The following MMP16 variants were observed in gnomAD, a reference collection of about 807,000 sequenced individuals.
MMP16 encodes matrix metalloproteinase-16.
A neutral mutation model predicts 67.8 loss-of-function variants in MMP16; 12 were observed. The observed-to-expected ratio is 0.18, with a 90% CI of 0.11 to 0.29. The LOEUF is 0.29. Among genes scored for constraint, MMP16 ranks in the 10% least tolerant of loss-of-function variants. The pLI, the probability that MMP16 is intolerant of heterozygous loss-of-function variation, is 1.00. For missense variants in MMP16, 475 were observed against 765.7 expected (o/e 0.62, Z 4.48); for synonymous variants, 249 against 255.9 (o/e 0.97, Z 0.26).
At chr8:88,246,600 T>C (rs1339954365) in intron 1 of MMP16, among the ~76,000 whole-genome samples, 1 of 152,164 alleles carries the variant, frequency 6.6e-6, no homozygotes, top group Non-Finnish European at 1.5e-5. Context: ...AGTAGATAAC[T>C]GAATGCTTAC....
At chr8:88,098,773 T>A (rs187208494) in intron 6 of MMP16, among the ~76,000 whole-genome samples, 1 of 152,000 alleles carries the variant, frequency 6.6e-6, no homozygotes, top group Admixed American at 6.6e-5. Context: ...AGTATAATAT[T>A]ATGAAAATTA....
At chr8:88,212,501 T>A (rs1210124591) in intron 1 of MMP16, among the ~76,000 whole-genome samples, 1 of 152,104 alleles carries the variant, frequency 6.6e-6, no homozygotes, top group East Asian at 1.9e-4. Flanking sequence ...CCAAAATATC[T>A]AAAGAACATA....
chr8:88,039,679 C>G lies in MMP16; in HGVS notation c.*1782G>C, dbSNP rs1808105469. The G allele has an allele frequency of 6.6e-6, 1 of 152,610 alleles. No homozygotes were observed. 9.5% of individuals were successfully genotyped at this position (152,610 alleles called of 1,614,324 possible). On this transcript the variant is annotated 3_prime_UTR_variant, in exon 10 of 10. Transcript: ENST00000286614. The surrounding 1 kb of genome is among the most constrained non-coding windows in gnomAD (Gnocchi z 4.5). ...CTCAAAGCTGGCTTTCACACAAAGC[C>G]AATGTCTGACTCATGGGGTGCATTC... is the stretch of plus-strand genomic sequence containing the variant.
chr8:88,302,047 T>C (rs1047833441), intron 1 of MMP16, among the ~76,000 whole-genome samples: 1 of 152,220 alleles, frequency 6.6e-6, no homozygotes, highest in African/African-American at 2.4e-5. Context: ...CTCAGAAACC[T>C]TCACAAGAAC....
chr8:88,283,153 A>C (rs981021525), intron 1 of MMP16, among the ~76,000 whole-genome samples: 58 of 152,176 alleles, frequency 3.8e-4, no homozygotes, highest in Non-Finnish European at 6.5e-4. Context: ...AACAGTATAA[A>C]TTCTCCTGTT....
At chr8:88,066,881 T>C (rs1026083615) in intron 7 of MMP16, among the ~76,000 whole-genome samples, 1 of 151,876 alleles carries the variant, frequency 6.6e-6, no homozygotes, top group Non-Finnish European at 1.5e-5. Context: ...AAAAATAAGA[T>C]GAGAAATTAC....
chr8:88,300,282 A>G (rs575799415), intron 1 of MMP16, among the ~76,000 whole-genome samples: 11 of 152,352 alleles, frequency 7.2e-5, no homozygotes, highest in African/African-American at 2.6e-4. Flanking sequence ...AGTACACAGA[A>G]GCCCTCCTTA....
At chr8:88,101,845 C>T (rs893296956) in intron 6 of MMP16, among the ~76,000 whole-genome samples, 1 of 151,826 alleles carries the variant, frequency 6.6e-6, no homozygotes, top group Non-Finnish European at 1.5e-5. Context: ...TATTTCTCAT[C>T]CAGTTCCAGA....
At chr8:88,092,234 T>G (rs532946099) in intron 6 of MMP16, among the ~76,000 whole-genome samples, 4 of 152,018 alleles carry the variant, frequency 2.6e-5, no homozygotes, top group African/African-American at 9.6e-5. Context: ...TGGCTATAAC[T>G]TCCAGAATTT....
chr8:88,281,642 C>A (rs535989065), intron 1 of MMP16, among the ~76,000 whole-genome samples: 2 of 152,134 alleles, frequency 1.3e-5, no homozygotes, highest in Admixed American at 6.5e-5. Context: ...ATTTACCAGG[C>A]CCCCAAAGCT....
chr8:88,146,832 ATTTTATTAGGTT>A (rs1477358275), intron 4 of MMP16, among the ~76,000 whole-genome samples: 1 of 151,916 alleles, frequency 6.6e-6, no homozygotes, highest in Non-Finnish European at 1.5e-5. Context: ...TAAATGTTCA[ATTTTATTAGGTT>A]TTTGCCAAAC....
At chr8:88,302,494 CT>C (rs750254625) in intron 1 of MMP16, among the ~76,000 whole-genome samples, 1 of 152,182 alleles carries the variant, frequency 6.6e-6, no homozygotes, top group Non-Finnish European at 1.5e-5. Context: ...TGACATTTCA[CT>C]CTTGCACTCA....
At chr8:88,063,106 A>C (rs1196298582) in intron 7 of MMP16, among the ~76,000 whole-genome samples, 1 of 152,144 alleles carries the variant, frequency 6.6e-6, no homozygotes, top group Non-Finnish European at 1.5e-5. Context: ...GTTAGAACTA[A>C]AGGCCAAAAG....
intron 5 of MMP16, 131 bp downstream of exon 5, chr8:88,118,569 A>C: frequency 1.3e-6 from 1 of 791,698 alleles, no homozygotes; most frequent in Non-Finnish European, 2.0e-6. Context: ...TAATTTTGCC[A>C]GTAGGCCAGC....
intron 1 of MMP16, among the ~76,000 whole-genome samples, chr8:88,284,973 T>G (rs1563583971): frequency 6.6e-6 from 1 of 152,176 alleles, no homozygotes; most frequent in East Asian, 1.9e-4. Flanking sequence ...TTTTTGCTAG[T>G]CCTTATTATG....
chr8:88,184,498 G>A lies in MMP16; in HGVS notation c.404+1978C>T, dbSNP rs974871282. ...AATCTCTGTGCTTTGGAAAGCCAAG[G>A]CAGGAGGATCACTTGAGCCCAGGAG... On this transcript the variant is annotated intron_variant, in intron 3 of 9. Coordinates refer to ENST00000286614, the MANE Select transcript of MMP16 (RefSeq NM_005941.5). Among the ~76,000 whole-genome samples, 19 of 133,284 alleles carry A rather than the reference G, an allele frequency of 1.4e-4. No individual in the cohort carries two copies. In the East Asian group the frequency reaches 4.5e-3, roughly 31 times the overall value. 87.4% of individuals were successfully genotyped at this position (133,284 alleles called of 152,430 possible).
intron 6 of MMP16, among the ~76,000 whole-genome samples, chr8:88,084,467 G>GAA (rs1256085933): frequency 7.0e-6 from 1 of 143,480 alleles, no homozygotes; most frequent in African/African-American, 2.5e-5. Flanking sequence ...GAAAAAGGAG[G>GAA]AAAAAAAAAG....
At chr8:88,191,010 A>C (rs536461486) in intron 2 of MMP16, among the ~76,000 whole-genome samples, 146 of 152,334 alleles carry the variant, frequency 9.6e-4, no homozygotes, top group African/African-American at 3.4e-3. Flanking sequence ...TCAAGGTGTA[A>C]ATAATGGCAT....
chr8:88,265,223 C>CTTTTTTCTTTTTTTTTTTTTTTTTTT (rs536439216), intron 1 of MMP16, among the ~76,000 whole-genome samples: 1 of 100,780 alleles, frequency 9.9e-6, no homozygotes, highest in African/African-American at 4.0e-5. Context: ...TGACCATTTC[C>CTTTTTTCTTTTTTTTTTTTTTTTTTT]TTTTTTTTTT....
Sources: gnomAD v4.1 joint callset for allele counts (sites outside exome capture counted in the v4.1 genomes callset) on GRCh38, gnomAD v4.1.1 for gene constraint, Gnocchi (gnomAD v3.1) non-coding constraint, MANE v1.5 for transcripts, NCBI Gene and HGNC (gene_info 2026-07-23, HGNC 2026-07-21) for gene names.